Variants in THRB observed in about 807,000 individuals in gnomAD.
The protein encoded by THRB is nuclear receptor subfamily 1 group A member 2.
In THRB, 12 loss-of-function variants were observed where a neutral mutation model predicts 47.8. The observed-to-expected ratio is 0.25, with a 90% confidence interval of 0.16 to 0.41. THRB has a LOEUF of 0.41. Among genes scored for constraint, THRB ranks in the 10% least tolerant of loss-of-function variants. The pLI, the probability that THRB is intolerant of heterozygous loss-of-function variation, is 1.00. For missense variants in THRB, 348 were observed against 589.2 expected (o/e 0.59, Z 4.24); for synonymous variants, 218 against 212.2 (o/e 1.03, Z -0.24).
intron 2 of THRB, among the ~76,000 whole-genome samples, chr3:24,331,290 AAG>A (rs2061912044): frequency 6.6e-6 from 1 of 152,192 alleles, no homozygotes; most frequent in Non-Finnish European, 1.5e-5. Flanking sequence ...GAAAGAAAAA[AAG>A]AAGGGGAGAG....
chr3:24,346,203 G>A (rs1577012100), intron 1 of THRB, among the ~76,000 whole-genome samples: 1 of 151,816 alleles, frequency 6.6e-6, no homozygotes, highest in Admixed American at 6.6e-5. Context: ...AATACAAAAG[G>A]GAGGAGTGGT....
In THRB at chr3:24,483,584, A is replaced by C. The variant is rs538347004; in HGVS notation, c.-261+11068T>G. Among the ~76,000 whole-genome samples the C allele has an allele frequency of 7.0e-4, 106 of 152,292 alleles. 1 individual carries two copies. In the South Asian group the frequency reaches 0.022, roughly 31 times the overall value. On this transcript the variant is annotated intron_variant, in intron 1 of 10. Coordinates refer to ENST00000646209, the MANE Select transcript of THRB (RefSeq NM_001354712.2). ...TCCCAACACTCTTTGCATACTATGA[A>C]CTACACAGATTTATCAAGGAAATAA...
intron 1 of THRB, among the ~76,000 whole-genome samples, chr3:24,391,712 C>T (rs1434717029): frequency 6.6e-6 from 1 of 152,046 alleles, no homozygotes; most frequent in Non-Finnish European, 1.5e-5. Context: ...CTGGTCCGTC[C>T]TCCATTTTCA....
chr3:24,255,933 A>G (rs1181312017), intron 3 of THRB, among the ~76,000 whole-genome samples: 2 of 152,228 alleles, frequency 1.3e-5, no homozygotes, highest in East Asian at 1.9e-4. Context: ...CTTCATTGTC[A>G]TATAGATAAA....
chr3:24,298,520 T>C (rs1161908377), intron 2 of THRB, among the ~76,000 whole-genome samples: 3 of 152,264 alleles, frequency 2.0e-5, no homozygotes, highest in African/African-American at 2.4e-5. Flanking sequence ...TGTTTATGAT[T>C]ATTTTAAACA....
chr3:24,481,829 A>G (rs377086540), intron 1 of THRB, among the ~76,000 whole-genome samples: 10 of 143,176 alleles, frequency 7.0e-5, no homozygotes, highest in African/African-American at 2.2e-4. Flanking sequence ...AAGTTTGAAT[A>G]TGGACCATAA....
chr3:24,317,542 G>C (rs760088588), intron 2 of THRB, among the ~76,000 whole-genome samples: 2 of 151,992 alleles, frequency 1.3e-5, no homozygotes, highest in Non-Finnish European at 2.9e-5. Context: ...AATCCCATAA[G>C]AAAACTAAAA....
intron 5 of THRB, among the ~76,000 whole-genome samples, chr3:24,166,888 C>T (rs2039712433): frequency 6.6e-6 from 1 of 151,946 alleles, no homozygotes; most frequent in African/African-American, 2.4e-5. Flanking sequence ...AATTCTGGGA[C>T]AGGGACATAT....
chr3:24,454,551 T>C (rs967707516), intron 1 of THRB, among the ~76,000 whole-genome samples: 3 of 152,220 alleles, frequency 2.0e-5, no homozygotes, highest in East Asian at 1.9e-4. Flanking sequence ...TAGAATGGAA[T>C]GTAGTTTTTA....
intron 9 of THRB, among the ~76,000 whole-genome samples, chr3:24,132,802 G>C (rs1197837615): frequency 6.6e-6 from 1 of 152,208 alleles, no homozygotes; most frequent in African/African-American, 2.4e-5. Context: ...ACTTATTCTT[G>C]AGGATTAAGA....
At position 24,123,242 on chromosome 3, in the gene THRB, A is replaced by G. The variant is rs111647346; in HGVS notation, c.1145-117T>C. On this transcript the variant is annotated intron_variant, in intron 10 of 10. Transcript: ENST00000646209. ...AGATCTAGGGTCTTCCCTCTTAGCC[A>G]TGAGCATGGATGCAGCGTGAACTCT... 2.8e-6 allele frequency: 4 copies of G among 1,443,742 alleles called. No individual in the cohort carries two copies. In the African/African-American group the frequency reaches 4.2e-5, roughly 15 times the overall value. 89.4% of individuals were successfully genotyped at this position (1,443,742 alleles called of 1,614,324 possible).
chr3:24,302,705 C>T (rs1258887670), intron 2 of THRB, among the ~76,000 whole-genome samples: 1 of 152,226 alleles, frequency 6.6e-6, no homozygotes, highest in Non-Finnish European at 1.5e-5. Context: ...ATTTACTATA[C>T]TTCTTCTCTG....
chr3:24,334,595 T>A (rs573631594), intron 2 of THRB, among the ~76,000 whole-genome samples: 34 of 152,314 alleles, frequency 2.2e-4, no homozygotes, highest in African/African-American at 6.0e-4. Flanking sequence ...AATATGGTCT[T>A]GGATGGAGAG....
At chr3:24,419,663 T>C (rs941285354) in intron 1 of THRB, among the ~76,000 whole-genome samples, 1 of 151,954 alleles carries the variant, frequency 6.6e-6, no homozygotes, top group Admixed American at 6.6e-5. Context: ...AATTAGCTTA[T>C]AAAAATAACA....
intron 2 of THRB, among the ~76,000 whole-genome samples, chr3:24,332,940 C>T (rs1453712820): frequency 1.3e-5 from 2 of 152,024 alleles, no homozygotes; most frequent in African/African-American, 4.8e-5. Flanking sequence ...AAAAAATTAG[C>T]CGGGCGTGGT....
At chr3:24,146,499 A>T (rs565302477) in intron 7 of THRB, among the ~76,000 whole-genome samples, 176 bp downstream of exon 7, 50 of 152,174 alleles carry the variant, frequency 3.3e-4, no homozygotes, top group Non-Finnish European at 2.8e-4. Context: ...AATGGCTCCC[A>T]CCTCCCTTTC....
At chr3:24,295,631 A>T (rs2056380523) in intron 3 of THRB, among the ~76,000 whole-genome samples, 1 of 152,166 alleles carries the variant, frequency 6.6e-6, no homozygotes, top group Non-Finnish European at 1.5e-5. Flanking sequence ...GCTACTCTGC[A>T]CTTTTGAATT....
Position 24,306,058 on chromosome 3 carries a change from G to C in THRB, c.-188-8687C>G, listed in dbSNP as rs549913101. Among the ~76,000 whole-genome samples the C allele has an allele frequency of 2.6e-4, 40 of 152,124 alleles. No individual in the cohort carries two copies. The South Asian group carries it at 7.9e-3, about 30-fold the overall frequency. ...TCAAAGTAAAAGTCCTTCAATTTTTGTTGTTGTTGTTGTTGCTTTACCTCA... is the reference window on the plus strand; with the variant it reads ...TCAAAGTAAAAGTCCTTCAATTTTTCTTGTTGTTGTTGTTGCTTTACCTCA... On this transcript the variant is annotated intron_variant, in intron 2 of 10. Transcript: ENST00000646209.
chr3:24,428,124 T>C (rs1418307739), intron 1 of THRB, among the ~76,000 whole-genome samples: 5 of 152,036 alleles, frequency 3.3e-5, no homozygotes, highest in African/African-American at 1.2e-4. Flanking sequence ...AAAGATAATA[T>C]GAAAAATTAA....
Sources: allele counts gnomAD v4.1 joint callset (sites outside exome capture counted in the v4.1 genomes callset), GRCh38; gene constraint gnomAD v4.1.1; transcripts MANE v1.5; gene names NCBI Gene and HGNC (gene_info 2026-07-23, HGNC 2026-07-21).